Variants in PTPRN2 observed in about 807,000 individuals in gnomAD.
PTPRN2 encodes the protein protein tyrosine phosphatase receptor type N2, also known as receptor-type tyrosine-protein phosphatase N2.
In PTPRN2, 74 loss-of-function variants were observed where a neutral mutation model predicts 118.8. The observed-to-expected ratio is 0.62, with a 90% CI of 0.52 to 0.76. PTPRN2 has a LOEUF of 0.76. PTPRN2 is among the 30% of genes least tolerant of loss of function. PTPRN2 has a pLI of 0.00. For synonymous variants in PTPRN2, 641 were observed against 608.0 expected (o/e 1.05, Z -0.80); for missense variants, 1,481 against 1,394.4 (o/e 1.06, Z -0.99).
rs868825055 is a variant in PTPRN2, at chr7:158,327,367, A to T, written c.164-10435T>A. Among the ~76,000 whole-genome samples, 297 of 129,090 alleles carry T rather than the reference A, an allele frequency of 2.3e-3. 6 individuals carry two copies. Among genetic ancestry groups the T allele is most frequent in the African/African-American group, 5.0e-3 (184 of 36,908 alleles). The allele number at this position is 129,090 out of a possible 152,430, so 84.7% of individuals were successfully genotyped here. On this transcript the variant is annotated intron_variant, in intron 2 of 22. Transcript: ENST00000389418. ...CATGCTCACACATGTACACATTGTCACACACACATTATCACATGCACACAC... is the reference window on the plus strand; with the variant it reads ...CATGCTCACACATGTACACATTGTCTCACACACATTATCACATGCACACAC...
At chr7:157,602,157 T>C (rs1563251486) in intron 16 of PTPRN2, among the ~76,000 whole-genome samples, 1 of 152,254 alleles carries the variant, frequency 6.6e-6, no homozygotes, top group African/African-American at 2.4e-5. Context: ...AAGTGATTCC[T>C]TCTTAAGAAT....
At chr7:157,875,438 A>T (rs151219911) in intron 12 of PTPRN2, among the ~76,000 whole-genome samples, 1 of 152,200 alleles carries the variant, frequency 6.6e-6, no homozygotes, top group South Asian at 2.1e-4. Flanking sequence ...ATCTTCCTGA[A>T]GTGGCAGCCA....
At chr7:158,194,793 T>C (rs557871275) in intron 4 of PTPRN2, among the ~76,000 whole-genome samples, 7 of 152,202 alleles carry the variant, frequency 4.6e-5, no homozygotes, top group East Asian at 1.9e-4. Context: ...AAATTACAGA[T>C]AGTGTATAAC....
intron 12 of PTPRN2, among the ~76,000 whole-genome samples, chr7:157,862,171 A>G (rs1423998655): frequency 6.6e-6 from 1 of 152,274 alleles, no homozygotes; most frequent in African/African-American, 2.4e-5. Flanking sequence ...ACATGGCCGC[A>G]TCAAGGACCT....
intron 12 of PTPRN2, among the ~76,000 whole-genome samples, chr7:157,788,129 A>G (rs1694436198): frequency 6.6e-6 from 1 of 152,216 alleles, no homozygotes; most frequent in African/African-American, 2.4e-5. Flanking sequence ...TAATCCCAGC[A>G]CTTTGGGAGG....
chr7:158,094,848 C>A (rs766192730), intron 10 of PTPRN2, among the ~76,000 whole-genome samples: 7 of 152,170 alleles, frequency 4.6e-5, no homozygotes, highest in Non-Finnish European at 8.8e-5. Flanking sequence ...ACTGCGCAGT[C>A]CCCACCATCC....
Position 157,633,244 on chromosome 7 carries a change from A to G in PTPRN2, c.2197-11735T>C, listed in dbSNP as rs527774980. ...TAACCTCCACCTCCTGGGTTCAAGC[A>G]ATCCTCCTGCCTCAGCCTCCCAAGT... On this transcript the variant is annotated intron_variant, in intron 14 of 22. Coordinates refer to ENST00000389418, the MANE Select transcript of PTPRN2 (RefSeq NM_002847.5). Among the ~76,000 whole-genome samples, 79 of 151,680 alleles carry G rather than the reference A, an allele frequency of 5.2e-4. 1 individual carries two copies. In the South Asian group the frequency reaches 0.016, roughly 30 times the overall value.
At chr7:158,025,956 T>C (rs184857549) in intron 11 of PTPRN2, among the ~76,000 whole-genome samples, 5 of 152,338 alleles carry the variant, frequency 3.3e-5, no homozygotes, top group Admixed American at 2.0e-4. Flanking sequence ...GCAGTTGTTA[T>C]TGACAATTAA....
chr7:158,228,500 C>A (rs545177160), intron 3 of PTPRN2, among the ~76,000 whole-genome samples: 21 of 152,032 alleles, frequency 1.4e-4, no homozygotes, highest in Non-Finnish European at 2.2e-4. Flanking sequence ...GACTTCTGGT[C>A]CCAAAATGGT....
At chr7:158,192,782 G>C (rs1343550168) in intron 4 of PTPRN2, among the ~76,000 whole-genome samples, 1 of 152,332 alleles carries the variant, frequency 6.6e-6, no homozygotes, top group East Asian at 1.9e-4. Context: ...GGAAACAAGG[G>C]GAGGGGAGAA....
intron 2 of PTPRN2, among the ~76,000 whole-genome samples, chr7:158,407,705 A>T (rs28502325): frequency 3.7e-5 from 3 of 82,176 alleles, no homozygotes; most frequent in Middle Eastern, 6.0e-3. Flanking sequence ...TGCGTCCTGC[A>T]TCCTGCGTCC....
chr7:157,741,759 G>A (rs1294605469), intron 12 of PTPRN2, among the ~76,000 whole-genome samples: 1 of 152,154 alleles, frequency 6.6e-6, no homozygotes, highest in Non-Finnish European at 1.5e-5. Context: ...AGGATGTTGT[G>A]GACACTGCAC....
chr7:158,484,030 G>C (rs765954983), intron 2 of PTPRN2, among the ~76,000 whole-genome samples: 1 of 152,166 alleles, frequency 6.6e-6, no homozygotes, highest in Non-Finnish European at 1.5e-5. Context: ...TGTAGTCCCA[G>C]CTACTAGGGA....
intron 2 of PTPRN2, among the ~76,000 whole-genome samples, chr7:158,429,656 A>G (rs1816010421): frequency 6.6e-6 from 1 of 152,250 alleles, no homozygotes; most frequent in African/African-American, 2.4e-5. Flanking sequence ...GAAAGAACTC[A>G]GCTCCAGACC....
In PTPRN2 at chr7:157,910,221, C is replaced by T. The variant is rs117766867; in HGVS notation, c.1724-11484G>A. On this transcript the variant is annotated intron_variant, in intron 11 of 22. Transcript: ENST00000389418. ...TGCGTGCAGGATCACGCACGTACAC[C>T]GTGGGAACGGGCGCAGGATCACGCA... Among the ~76,000 whole-genome samples, 1,696 of 151,822 alleles carry T rather than the reference C, an allele frequency of 0.011. 133 individuals carry two copies. In the East Asian group the frequency reaches 0.23, roughly 20 times the overall value.
intron 11 of PTPRN2, among the ~76,000 whole-genome samples, chr7:158,072,354 T>C (rs1812009804): frequency 6.6e-6 from 1 of 152,150 alleles, no homozygotes; most frequent in African/African-American, 2.4e-5. Flanking sequence ...AATCATCATG[T>C]AAATTTTCAA....
At chr7:157,802,286 C>A (rs540593908) in intron 12 of PTPRN2, among the ~76,000 whole-genome samples, 1 of 152,222 alleles carries the variant, frequency 6.6e-6, no homozygotes, top group East Asian at 1.9e-4. Flanking sequence ...CTCTCTTCTT[C>A]GGTGCGTTCA....
At chr7:158,149,418 A>G (rs904322508) in intron 6 of PTPRN2, among the ~76,000 whole-genome samples, 1 of 151,636 alleles carries the variant, frequency 6.6e-6, no homozygotes, top group African/African-American at 2.4e-5. Flanking sequence ...AAAATGTATA[A>G]GATGTTACCT....
rs1209257965 is a variant in PTPRN2 at position 158,546,555 on chromosome 7, C to T, written c.112+41003G>A. On this transcript the variant is annotated intron_variant, in intron 1 of 22. Coordinates refer to ENST00000389418, the MANE Select transcript of PTPRN2 (RefSeq NM_002847.5). This position sits in a 1 kb window ranked among gnomAD's most constrained non-coding sequence, Gnocchi z 5.0. ...CCTCCTGATAATCCCTACCAGCAGCCAGGAAGCACCCTGGGAAGCCCATCG... is the reference window on the plus strand; with the variant it reads ...CCTCCTGATAATCCCTACCAGCAGCTAGGAAGCACCCTGGGAAGCCCATCG... 6.6e-6 allele frequency among the ~76,000 whole-genome samples: 1 copy of T among 152,190 alleles called. No individual in the cohort carries two copies. Among genetic ancestry groups the T allele is most frequent in the Non-Finnish European group, 1.5e-5 (1 of 68,028 alleles).
Sources: allele counts gnomAD v4.1 joint callset (sites outside exome capture counted in the v4.1 genomes callset), GRCh38; gene constraint gnomAD v4.1.1; non-coding constraint Gnocchi (gnomAD v3.1); transcripts MANE v1.5; gene names NCBI Gene and HGNC (gene_info 2026-07-23, HGNC 2026-07-21).